LARS1: variants seen among roughly 807,000 people sequenced by gnomAD.
The protein encoded by LARS1 is leucine--tRNA ligase, cytoplasmic.
LARS1 carries 100 observed loss-of-function variants against 162.8 expected under a neutral mutation model. The observed-to-expected ratio is 0.61, with a 90% CI of 0.52 to 0.73. The LOEUF is 0.73. Among genes scored for constraint, LARS1 ranks in the 30% least tolerant of loss-of-function variants. The probability of loss-of-function intolerance (pLI) is 0.00; values close to 1 mark genes in which losing one functional copy is unlikely to be tolerated. For missense variants in LARS1, 1,258 were observed against 1,408.9 expected (o/e 0.89, Z 1.71); for synonymous variants, 457 against 462.8 (o/e 0.99, Z 0.16).
intron 21 of LARS1, chr5:146,139,020 G>T: frequency 3.3e-6 from 1 of 301,902 alleles, no homozygotes; most frequent in Non-Finnish European, 6.3e-6. Context: ...CTAACGAAAA[G>T]TCAATAAAAG....
chr5:146,147,476 C>T (rs1393675052), intron 15 of LARS1, among the ~76,000 whole-genome samples: 1 of 151,498 alleles, frequency 6.6e-6, no homozygotes, highest in Non-Finnish European at 1.5e-5. Context: ...TTATTGAATC[C>T]GGGTGATAGG....
intron 5 of LARS1, among the ~76,000 whole-genome samples, chr5:146,166,592 T>C (rs1271383087): frequency 6.6e-6 from 1 of 152,104 alleles, no homozygotes; most frequent in Non-Finnish European, 1.5e-5. Flanking sequence ...ATAAAGTGAA[T>C]ATCCATGAAT....
At chr5:146,147,119 A>C (rs564729160) in intron 15 of LARS1, among the ~76,000 whole-genome samples, 66 of 152,294 alleles carry the variant, frequency 4.3e-4, no homozygotes, top group African/African-American at 1.5e-3. Flanking sequence ...CCAAGGCCCA[A>C]ATGGCCCTTT....
At chr5:146,117,960 A>G (rs1230498189) in intron 31 of LARS1, among the ~76,000 whole-genome samples, 1 of 152,248 alleles carries the variant, frequency 6.6e-6, no homozygotes, top group Non-Finnish European at 1.5e-5. Context: ...AGGTTCCTCA[A>G]AGTATTAAAA....
At position 146,120,460 on chromosome 5, in the gene LARS1, C is replaced by A; in HGVS notation, c.3236G>T (p.Gly1079Val). 2 of 1,613,100 alleles carry A rather than the reference C, an allele frequency of 1.2e-6. No individual in the cohort carries two copies. Among genetic ancestry groups the A allele is most frequent in the Non-Finnish European group, 8.5e-7 (1 of 1,179,352 alleles). The change falls in exon 31 of 32, where the codon GGC becomes GTC. Residue 1079 changes from glycine to valine, a missense_variant. Coordinates refer to ENST00000394434, the MANE Select transcript of LARS1 (RefSeq NM_020117.11). ...GATTTCAATTTTGGTTGAGAAGTGG[C>A]CATTGGATGGCTGGGGATTCACCAG... ...VSLVNPQPSN[G>V]HFSTKIEIRQ...
At chr5:146,140,031 T>C (rs1245132464) in intron 21 of LARS1, among the ~76,000 whole-genome samples, 173 bp downstream of exon 21, 1 of 152,112 alleles carries the variant, frequency 6.6e-6, no homozygotes, top group East Asian at 1.9e-4. Context: ...GGTCTTGAAC[T>C]CCTGGCCTCA....
chr5:146,141,022 T>A (rs2126472509), intron 20 of LARS1, among the ~76,000 whole-genome samples: 1 of 152,306 alleles, frequency 6.6e-6, no homozygotes. Flanking sequence ...ACCAATAGCA[T>A]CATGATGAAT....
At chr5:146,149,055 A>G (rs1314071805) in intron 15 of LARS1, among the ~76,000 whole-genome samples, 1 of 152,132 alleles carries the variant, frequency 6.6e-6, no homozygotes, top group Non-Finnish European at 1.5e-5. Context: ...AGTCTGTGTA[A>G]CAAGAGCGAA....
intron 23 of LARS1, 22 bp downstream of exon 23, chr5:146,132,876 A>G (rs1474032187): frequency 6.3e-7 from 1 of 1,599,592 alleles, no homozygotes; most frequent in East Asian, 2.2e-5. Flanking sequence ...AAAACACAAA[A>G]TGATTGGGAT....
chr5:146,132,946 C>T lies in LARS1; in HGVS notation c.2348G>A (p.Ser783Asn), dbSNP rs1752348296. 1 of 1,614,020 alleles carries T rather than the reference C, an allele frequency of 6.2e-7. No individual in the cohort carries two copies. Among genetic ancestry groups the T allele is most frequent in the African/African-American group, 1.3e-5 (1 of 74,938 alleles). ...AGTGCTGGCAGGACCACTTCTTAGG[C>T]TGTCCCAGTTGGCAACCATTTCTTT... Reference protein sequence around the residue: ...WVKEMVANWDSLRSGPASTFN... With the variant: ...WVKEMVANWDNLRSGPASTFN... The change falls in exon 23 of 32, where the codon AGC (serine) becomes AAC (asparagine). Residue 783 changes from serine (S) to asparagine (N), a missense_variant. By Grantham distance (46) the Ser-to-Asn change is conservative. Coordinates refer to ENST00000394434, the MANE Select transcript of LARS1 (RefSeq NM_020117.11).
At chr5:146,119,845 A>C (rs1230686623) in intron 31 of LARS1, among the ~76,000 whole-genome samples, 2 of 152,208 alleles carry the variant, frequency 1.3e-5, no homozygotes, top group Non-Finnish European at 2.9e-5. Context: ...CAAACTTTGC[A>C]AGTTACTTAG....
intron 5 of LARS1, among the ~76,000 whole-genome samples, chr5:146,165,132 G>A (rs1235230669): frequency 1.3e-5 from 2 of 152,054 alleles, no homozygotes; most frequent in African/African-American, 4.8e-5. Flanking sequence ...TCAGGACTTC[G>A]AGACCAGCCT....
intron 19 of LARS1, 127 bp downstream of exon 19, chr5:146,143,285 G>C (rs1261284027): frequency 2.3e-6 from 3 of 1,309,056 alleles, no homozygotes; most frequent in Non-Finnish European, 3.1e-6. Flanking sequence ...CAGTTCAATA[G>C]TAAAAAAGCA....
In LARS1 at chr5:146,164,192, G is replaced by A. The variant is rs532702186; in HGVS notation, c.594+118C>T. The A allele has an allele frequency of 7.0e-5, 70 of 994,652 alleles. No homozygotes were observed. In the African/African-American group the frequency reaches 9.7e-4, roughly 14 times the overall value. 61.6% of individuals were successfully genotyped at this position (994,652 alleles called of 1,614,324 possible). A position where few individuals can be genotyped will look rare whatever the true frequency, so the allele number is the denominator to read the frequency against. On this transcript the variant is annotated intron_variant, in intron 6 of 31. Transcript: ENST00000394434. Reference sequence around the variant, plus strand: ...TGCCACTAGACTTGCTCAACGCAGGGTTGCCACAAATCTTCAATTGTAAAA... The same window carrying A: ...TGCCACTAGACTTGCTCAACGCAGGATTGCCACAAATCTTCAATTGTAAAA...
rs751520662 is a variant in LARS1 at position 146,157,500 on chromosome 5, A to G, written c.968T>C (p.Ile323Thr). 1.6e-5 allele frequency: 26 copies of G among 1,614,164 alleles called. No individual in the cohort carries two copies. Among genetic ancestry groups the G allele is most frequent in the Non-Finnish European group, 2.1e-5 (25 of 1,180,008 alleles). Residue 323 changes from isoleucine (I) to threonine (T), a missense_variant, in exon 10 of 32, where the codon ATA becomes ACA. Transcript: ENST00000394434. ...GGCTGCTTTTTGGGTACAGATGAATATATCACCATTCACCGTCTCAAATCC... is the reference window on the plus strand; with the variant it reads ...GGCTGCTTTTTGGGTACAGATGAATGTATCACCATTCACCGTCTCAAATCC... ...YIGFETVNGD[I>T]FICTQKAARN...
intron 23 of LARS1, chr5:146,131,907 A>G (rs1752302387): frequency 6.6e-6 from 1 of 152,230 alleles, no homozygotes; most frequent in Admixed American, 6.5e-5. Context: ...AACCTGTTTC[A>G]TTTCCTACCT....
chr5:146,144,516 C>A lies in LARS1; in HGVS notation c.1611G>T (p.Glu537Asp). 1 of 1,613,898 alleles carries A rather than the reference C, an allele frequency of 6.2e-7. No homozygotes were observed. Among genetic ancestry groups the A allele is most frequent in the South Asian group, 1.1e-5 (1 of 91,000 alleles). Reference sequence around the variant, plus strand: ...ACTGAGATGTCTGTTTCTTCCAATTCTCTTCTCCATAATCCAAGTACCTGG... The same window carrying A: ...ACTGAGATGTCTGTTTCTTCCAATTATCTTCTCCATAATCCAAGTACCTGG... Reference protein sequence around the residue: ...CDQWYLDYGEENWKKQTSQCL... With the variant: ...CDQWYLDYGEDNWKKQTSQCL... The change falls in exon 17 of 32, where the codon GAG (glutamate) becomes GAT (aspartate). Residue 537 changes from glutamate to aspartate, a missense_variant. Coordinates refer to ENST00000394434, the MANE Select transcript of LARS1 (RefSeq NM_020117.11).
intron 1 of LARS1, among the ~76,000 whole-genome samples, chr5:146,178,806 G>A (rs566092612): frequency 6.6e-6 from 1 of 151,910 alleles, no homozygotes; most frequent in South Asian, 2.1e-4. Flanking sequence ...TTCTTAATAA[G>A]TAACTTGGCT....
At chr5:146,135,095 C>G (rs1289466036) in intron 22 of LARS1, among the ~76,000 whole-genome samples, 2 of 152,122 alleles carry the variant, frequency 1.3e-5, no homozygotes, top group East Asian at 3.9e-4. Flanking sequence ...CCTCCGCCTC[C>G]CGGGTTCAAG....
Sources: allele counts gnomAD v4.1 joint callset (sites outside exome capture counted in the v4.1 genomes callset), GRCh38; gene constraint gnomAD v4.1.1; transcripts MANE v1.5; gene names NCBI Gene and HGNC (gene_info 2026-07-23, HGNC 2026-07-21).